The following TNRC6A variants were observed in gnomAD, a reference collection of about 807,000 sequenced individuals.
TNRC6A encodes trinucleotide repeat containing adaptor 6A, also known as trinucleotide repeat-containing gene 6A protein.
Under a neutral mutation model 221.2 loss-of-function variants are expected in TNRC6A, and 44 were observed. The observed-to-expected ratio is 0.20, with a 90% confidence interval of 0.16 to 0.26. The LOEUF (loss-of-function observed/expected upper bound fraction) is 0.26. Ranked by LOEUF, TNRC6A falls within the 10% of genes least tolerant of loss-of-function variation. The pLI, the probability that TNRC6A is intolerant of heterozygous loss-of-function variation, is 1.00. For missense variants in TNRC6A, 2,199 were observed against 2,404.4 expected (o/e 0.91, Z 1.79); for synonymous variants, 847 against 838.5 (o/e 1.01, Z -0.18).
intron 4 of TNRC6A, among the ~76,000 whole-genome samples, chr16:24,759,499 G>A (rs1230125251): frequency 6.6e-6 from 1 of 152,186 alleles, no homozygotes; most frequent in Non-Finnish European, 1.5e-5. Context: ...GGCATTGTGA[G>A]CAGAGGAGGC....
At position 24,806,463 on chromosome 16, in the gene TNRC6A, A is replaced by C. The variant is rs565804036; in HGVS notation, c.4330-111A>C. 3.5e-4 allele frequency: 493 copies of C among 1,414,844 alleles called. 6 individuals carry two copies. In the South Asian group the frequency reaches 5.9e-3, roughly 17 times the overall value. The allele number at this position is 1,414,844 out of a possible 1,614,324, so 87.6% of individuals were successfully genotyped here. On this transcript the variant is annotated intron_variant, in intron 16 of 24. Coordinates refer to ENST00000395799, the MANE Select transcript of TNRC6A (RefSeq NM_014494.4). ...GTTATGTGAACATTATACAGTGATT[A>C]TTCACCTTTCTGCTGAGACGAAAGT... is the stretch of plus-strand genomic sequence containing the variant.
intron 2 of TNRC6A, among the ~76,000 whole-genome samples, chr16:24,688,480 G>C (rs531829619): frequency 6.6e-6 from 1 of 152,246 alleles, no homozygotes; most frequent in South Asian, 2.1e-4. Context: ...TGTGGAGTCT[G>C]ATAGATAAAA....
intron 4 of TNRC6A, among the ~76,000 whole-genome samples, chr16:24,759,232 A>G (rs370761167): frequency 1.3e-5 from 2 of 152,116 alleles, no homozygotes; most frequent in East Asian, 3.9e-4. Context: ...TTAAATATTC[A>G]GTGATAAGTG....
At chr16:24,665,194 C>T (rs190794877) in intron 2 of TNRC6A, among the ~76,000 whole-genome samples, 10 of 152,204 alleles carry the variant, frequency 6.6e-5, no homozygotes, top group Admixed American at 5.2e-4. Flanking sequence ...CTCAGCCTCT[C>T]GAGTAGCTGG....
rs773189024 is a variant in TNRC6A, at chr16:24,789,933, G to A, written c.1291G>A (p.Val431Ile). ...GSLQETCESE[V>I]SGTQKVSFSG... ...CCTTCAGGAAACTTGTGAATCTGAAGTAAGTGGTACACAGAAGGTTTCATT... is the reference window on the plus strand; with the variant it reads ...CCTTCAGGAAACTTGTGAATCTGAAATAAGTGGTACACAGAAGGTTTCATT... Residue 431 changes from valine (V) to isoleucine (I), a missense_variant, in exon 6 of 25, where the codon GTA (valine) becomes ATA (isoleucine). Transcript: ENST00000395799. 7 of 1,613,882 alleles carry A rather than the reference G, an allele frequency of 4.3e-6. No homozygotes were observed. Among genetic ancestry groups the A allele is most frequent in the South Asian group, 2.2e-5 (2 of 91,036 alleles).
chr16:24,639,893 A>G lies in TNRC6A; in HGVS notation n.277-991A>G, dbSNP rs111715029. Among the ~76,000 whole-genome samples, 213 of 152,252 alleles carry G rather than the reference A, an allele frequency of 1.4e-3. 1 individual carries two copies. Among genetic ancestry groups the G allele is most frequent in the African/African-American group, 4.8e-3 (199 of 41,568 alleles). On this transcript the variant is annotated intron_variant and non_coding_transcript_variant, in intron 1 of 2. Transcript: ENST00000566108. ...ACTGGTCTCAAACTCCTGAGCTCAA[A>G]CAGTCCTCCCACTTCGGCTTCCCAA...
At chr16:24,788,414 C>T (rs1014525421) in intron 5 of TNRC6A, among the ~76,000 whole-genome samples, 1 of 152,190 alleles carries the variant, frequency 6.6e-6, no homozygotes, top group Non-Finnish European at 1.5e-5. Flanking sequence ...ATGATAAAAG[C>T]TTTCCAATTC....
Position 24,822,084 on chromosome 16 carries a change from C to T in TNRC6A, c.5310C>T (p.Ser1770=), listed in dbSNP as rs759394646. 6.8e-6 allele frequency: 11 copies of T among 1,614,080 alleles called. No homozygotes were observed. In the East Asian group the frequency reaches 2.5e-4, roughly 36 times the overall value. ...NSDARYTPGS[S]WGESSSGRIT... The stretch of plus-strand genomic sequence containing the variant: ...CTTTTTTTCCTTGTTTAGGTTCCAG[C>T]TGGGGTGAGAGCAGCTCAGGGAGAA... The change falls in exon 23 of 25, where the codon AGC becomes AGT. Residue 1770 remains serine, a synonymous_variant. Coordinates refer to ENST00000395799, the MANE Select transcript of TNRC6A (RefSeq NM_014494.4).
intron 2 of TNRC6A, among the ~76,000 whole-genome samples, chr16:24,735,875 A>T (rs1359366740): frequency 6.6e-6 from 1 of 152,174 alleles, no homozygotes; most frequent in Non-Finnish European, 1.5e-5. Flanking sequence ...TTAAAATTTT[A>T]AAAAATTGGC....
intron 2 of TNRC6A, among the ~76,000 whole-genome samples, chr16:24,680,992 C>T (rs946701453): frequency 6.6e-6 from 1 of 151,662 alleles, no homozygotes; most frequent in African/African-American, 2.4e-5. Flanking sequence ...TGATCTCAAA[C>T]TTCTGGGCTC....
At chr16:24,634,685 G>T (rs1272340945) in intron 1 of TNRC6A, among the ~76,000 whole-genome samples, 1 of 152,182 alleles carries the variant, frequency 6.6e-6, no homozygotes, top group East Asian at 1.9e-4. Flanking sequence ...TCCCAGGTCA[G>T]CTGAGGTTAC....
chr16:24,753,127 A>G (rs1162003199), intron 3 of TNRC6A, among the ~76,000 whole-genome samples: 6 of 152,200 alleles, frequency 3.9e-5, no homozygotes, highest in Non-Finnish European at 7.3e-5. Flanking sequence ...GGCAGCTTAT[A>G]AATAAGCCTG....
In TNRC6A at chr16:24,793,116, C is replaced by A. The variant is rs139903000; in HGVS notation, c.3176-357C>A. Reference sequence around the variant, plus strand: ...TACAGATGTTATACATACACTGTCACCCAGCTTATCACCTGCTCCAATTTA... The same window carrying A: ...TACAGATGTTATACATACACTGTCAACCAGCTTATCACCTGCTCCAATTTA... On this transcript the variant is annotated intron_variant, in intron 6 of 24. Coordinates refer to ENST00000395799, the MANE Select transcript of TNRC6A (RefSeq NM_014494.4). 2.6e-5 allele frequency among the ~76,000 whole-genome samples: 4 copies of A among 152,234 alleles called. No individual in the cohort carries two copies. The East Asian group carries it at 5.8e-4, about 22-fold the overall frequency.
In TNRC6A at chr16:24,664,769, TCACACACACACACACACACACACA is replaced by T. The variant is rs149786252; in HGVS notation, n.402+23781_402+23804del. 16 of 301,624 alleles carry T rather than the reference TCACACACACACACACACACACACA, an allele frequency of 5.3e-5. No individual in the cohort carries two copies. In the East Asian group the frequency reaches 1.0e-3, roughly 19 times the overall value. 18.7% of individuals were successfully genotyped at this position (301,624 alleles called of 1,614,324 possible). ...AGGGTGCCTTGCAGTAATCCCCAAA[TCACACACACACACACACACACACA>T]CACACACACACACACACACAAAACC... is the stretch of plus-strand genomic sequence containing the variant. On this transcript the variant is annotated intron_variant and non_coding_transcript_variant, in intron 2 of 2. Coordinates refer to the TNRC6A transcript ENST00000566108.
At chr16:24,685,177 T>G (rs868482051) in intron 2 of TNRC6A, among the ~76,000 whole-genome samples, 2 of 152,152 alleles carry the variant, frequency 1.3e-5, no homozygotes, top group South Asian at 4.1e-4. Flanking sequence ...CTATGATACT[T>G]CCGGGGCCCG....
chr16:24,658,793 T>G (rs1392588880), intron 2 of TNRC6A, among the ~76,000 whole-genome samples: 1 of 152,040 alleles, frequency 6.6e-6, no homozygotes, highest in Non-Finnish European at 1.5e-5. Context: ...TCTATTTTTT[T>G]GTGTATTTTC....
chr16:24,664,803 ACACACACAC>A (rs1304918140), intron 2 of TNRC6A: 66 of 444,406 alleles, frequency 1.5e-4, no homozygotes, highest in African/African-American at 1.2e-3. Context: ...ACACACACAC[ACACACACAC>A]AAAACCTATA....
chr16:24,676,884 T>G (rs1325323909), intron 2 of TNRC6A, among the ~76,000 whole-genome samples: 1 of 152,198 alleles, frequency 6.6e-6, no homozygotes, highest in Non-Finnish European at 1.5e-5. Flanking sequence ...TTGTTCCTTT[T>G]ACTTTCTGTT....
chr16:24,700,639 C>A (rs1051180079), intron 2 of TNRC6A, among the ~76,000 whole-genome samples: 1 of 152,108 alleles, frequency 6.6e-6, no homozygotes, highest in Non-Finnish European at 1.5e-5. Flanking sequence ...ACCTATGGAT[C>A]TTCGTGGTAG....
Sources: allele counts gnomAD v4.1 joint callset (sites outside exome capture counted in the v4.1 genomes callset), GRCh38; gene constraint gnomAD v4.1.1; transcripts MANE v1.5; gene names NCBI Gene and HGNC (gene_info 2026-07-23, HGNC 2026-07-21).